TOX: variants seen among roughly 807,000 people sequenced by gnomAD.
The protein encoded by TOX is thymocyte selection-associated high mobility group box protein TOX.
Under a neutral mutation model 53.7 loss-of-function variants are expected in TOX, and 11 were observed. The observed-to-expected ratio is 0.20, with a 90% CI of 0.13 to 0.34. The LOEUF (loss-of-function observed/expected upper bound fraction) is 0.34. TOX is among the 10% of genes least tolerant of loss of function. The pLI is 1.00. For synonymous variants in TOX, 225 were observed against 245.3 expected, an observed-to-expected ratio of 0.92 and a Z score of 0.77; for missense variants, 570 against 664.6, an observed-to-expected ratio of 0.86 and a Z score of 1.56.
At position 59,005,613 on chromosome 8, in the gene TOX, T is replaced by C. The variant is rs1298266798; in HGVS notation, c.103-45605A>G. ...TTAACAACATAGTTTTCTAGCAAAATTCACTACATGTACAACCATTAATCA... is the reference window on the plus strand; with the variant it reads ...TTAACAACATAGTTTTCTAGCAAAACTCACTACATGTACAACCATTAATCA... On this transcript the variant is annotated intron_variant, in intron 1 of 8. Coordinates refer to ENST00000361421, the MANE Select transcript of TOX (RefSeq NM_014729.3). 7.9e-5 allele frequency among the ~76,000 whole-genome samples: 12 copies of C among 152,346 alleles called. No individual in the cohort carries two copies. The East Asian group carries it at 1.2e-3, about 15-fold the overall frequency.
At chr8:58,998,122 A>T (rs2129417882) in intron 1 of TOX, among the ~76,000 whole-genome samples, 1 of 152,124 alleles carries the variant, frequency 6.6e-6, no homozygotes, top group East Asian at 1.9e-4. Context: ...TATTTTTCTC[A>T]TGTTAATGTC....
rs1376622138 is a variant in TOX, at chr8:58,988,130, T to A, written c.103-28122A>T. Among the ~76,000 whole-genome samples the A allele has an allele frequency of 2.0e-5, 3 of 152,186 alleles. 1 individual carries two copies. Among genetic ancestry groups the A allele is most frequent in the Non-Finnish European group, 2.9e-5 (2 of 68,030 alleles). On this transcript the variant is annotated intron_variant, in intron 1 of 8. Transcript: ENST00000361421. ...TTGGATGAACAGTCACCTGTAACTG[T>A]AAATGATGAACTAAGGTCACAATTT...
chr8:59,068,288 T>C (rs930652481), intron 1 of TOX, among the ~76,000 whole-genome samples: 7 of 151,984 alleles, frequency 4.6e-5, no homozygotes, highest in African/African-American at 1.4e-4. Context: ...AGAAATAACA[T>C]TATGACAAGA....
At chr8:59,004,284 T>C (rs965283928) in intron 1 of TOX, among the ~76,000 whole-genome samples, 1 of 152,260 alleles carries the variant, frequency 6.6e-6, no homozygotes, top group Non-Finnish European at 1.5e-5. Context: ...CTAATTTATC[T>C]TTGTGGTTGA....
intron 1 of TOX, among the ~76,000 whole-genome samples, chr8:58,999,542 A>C (rs773671662): frequency 9.2e-5 from 14 of 152,170 alleles, no homozygotes; most frequent in Non-Finnish European, 1.3e-4. Context: ...GGGGTCAGTG[A>C]CTACTGAGGG....
At chr8:59,066,562 T>C (rs1399281020) in intron 1 of TOX, among the ~76,000 whole-genome samples, 2 of 152,214 alleles carry the variant, frequency 1.3e-5, no homozygotes, top group African/African-American at 4.8e-5. Flanking sequence ...AATTACAGAT[T>C]GCCTGCCTTC....
intron 3 of TOX, among the ~76,000 whole-genome samples, chr8:58,904,472 T>G (rs1811782226): frequency 6.6e-6 from 1 of 152,158 alleles, no homozygotes; most frequent in South Asian, 2.1e-4. Flanking sequence ...CCTATGGGGA[T>G]TCGAGAACCA....
intron 1 of TOX, among the ~76,000 whole-genome samples, chr8:59,022,566 A>G (rs1814157412): frequency 6.6e-6 from 1 of 152,170 alleles, no homozygotes; most frequent in South Asian, 2.1e-4. Context: ...GCCTCGATAC[A>G]TGCATAAATT....
intron 5 of TOX, among the ~76,000 whole-genome samples, chr8:58,832,864 C>T (rs1037458156): frequency 3.9e-5 from 6 of 152,138 alleles, no homozygotes; most frequent in Admixed American, 3.3e-4. Context: ...TGAGGTGTTG[C>T]TATTGAGCTG....
At chr8:59,107,436 T>G (rs1295182483) in intron 1 of TOX, among the ~76,000 whole-genome samples, 2 of 152,212 alleles carry the variant, frequency 1.3e-5, no homozygotes, top group African/African-American at 2.4e-5. Context: ...AGGATGCTTG[T>G]TAATCTGGTA....
rs936632044 is a variant in TOX, at chr8:58,901,052, G to C, written c.411+38250C>G. Among the ~76,000 whole-genome samples, 11 of 152,196 alleles carry C rather than the reference G, an allele frequency of 7.2e-5. No individual in the cohort carries two copies. The East Asian group carries it at 1.9e-3, about 27-fold the overall frequency. On this transcript the variant is annotated intron_variant, in intron 3 of 8. Coordinates refer to ENST00000361421, the MANE Select transcript of TOX (RefSeq NM_014729.3). Reference sequence around the variant, plus strand: ...TTCTATCTAAGGCCATTCTTAATTAGAAACCAGTAACAGAGTAGCTTATCA... The same window carrying C: ...TTCTATCTAAGGCCATTCTTAATTACAAACCAGTAACAGAGTAGCTTATCA...
chr8:59,005,986 T>G (rs1226540100), intron 1 of TOX, among the ~76,000 whole-genome samples: 1 of 152,234 alleles, frequency 6.6e-6, no homozygotes, highest in Non-Finnish European at 1.5e-5. Context: ...CCTTGGCTGC[T>G]GTCCATGCCT....
chr8:58,863,705 A>G (rs2129169326), intron 3 of TOX, among the ~76,000 whole-genome samples: 1 of 152,260 alleles, frequency 6.6e-6, no homozygotes, highest in South Asian at 2.1e-4. Context: ...TTAATGCACT[A>G]ATTTCTTTTG....
chr8:59,076,339 T>C (rs1239416337), intron 1 of TOX, among the ~76,000 whole-genome samples: 1 of 152,206 alleles, frequency 6.6e-6, no homozygotes, highest in African/African-American at 2.4e-5. Flanking sequence ...AGCTTCTCAC[T>C]ATTGGAAAAA....
intron 3 of TOX, among the ~76,000 whole-genome samples, chr8:58,863,940 A>G (rs960024068): frequency 6.6e-6 from 1 of 152,110 alleles, no homozygotes; most frequent in Non-Finnish European, 1.5e-5. Context: ...GTCTGTCTGC[A>G]TTGCATTAAA....
intron 1 of TOX, among the ~76,000 whole-genome samples, chr8:59,043,696 G>A (rs563198766): frequency 1.3e-5 from 2 of 152,298 alleles, no homozygotes; most frequent in East Asian, 3.9e-4. Context: ...ATAGAGCATG[G>A]AGGCAACTTC....
At chr8:59,101,729 A>G (rs1261258471) in intron 1 of TOX, among the ~76,000 whole-genome samples, 2 of 152,232 alleles carry the variant, frequency 1.3e-5, no homozygotes, top group Non-Finnish European at 2.9e-5. Context: ...TCCATTTAAC[A>G]AAAACTTCCA....
At chr8:59,013,475 A>G (rs7001272) in intron 1 of TOX, among the ~76,000 whole-genome samples, 4,110 of 150,074 alleles carry the variant, frequency 0.027, 174 homozygotes, top group African/African-American at 0.094. Flanking sequence ...CAGTGGCGCG[A>G]TCTCGGCTCA....
At chr8:59,101,735 T>A (rs999292895) in intron 1 of TOX, among the ~76,000 whole-genome samples, 23 of 152,122 alleles carry the variant, frequency 1.5e-4, no homozygotes, top group Non-Finnish European at 3.2e-4. Flanking sequence ...TAACAAAAAC[T>A]TCCAAAACCA....
Sources: gnomAD v4.1 joint callset for allele counts (sites outside exome capture counted in the v4.1 genomes callset) on GRCh38, gnomAD v4.1.1 for gene constraint, MANE v1.5 for transcripts, NCBI Gene and HGNC (gene_info 2026-07-23, HGNC 2026-07-21) for gene names.